The following TBX15 variants were observed in gnomAD, a reference collection of about 807,000 sequenced individuals.
The protein encoded by TBX15 is T-box transcription factor 15, also known as T-box transcription factor TBX15.
TBX15 carries 18 observed loss-of-function variants against 53.9 expected under a neutral mutation model. The observed-to-expected ratio is 0.33, with a 90% CI of 0.23 to 0.49. The LOEUF (loss-of-function observed/expected upper bound fraction) is 0.49. TBX15 is among the 20% of genes least tolerant of loss of function. TBX15 has a pLI of 0.98. For synonymous variants in TBX15, 295 were observed against 278.0 expected (o/e 1.06, Z -0.61); for missense variants, 692 against 749.5 (o/e 0.92, Z 0.90).
chr1:118,980,908 T>C lies in TBX15; in HGVS notation c.205+6683A>G, dbSNP rs1301863871. Among the ~76,000 whole-genome samples the C allele has an allele frequency of 2.6e-5, 4 of 151,964 alleles. 1 individual carries two copies. Among genetic ancestry groups the C allele is most frequent in the African/African-American group, 9.7e-5 (4 of 41,382 alleles). On this transcript the variant is annotated intron_variant, in intron 1 of 7. Transcript: ENST00000369429. ...AGTGCAGTGGCACTATCTCGGCTCATTGCAACCTCCGCCTCCCTGGTTCAA... is the reference window on the plus strand; with the variant it reads ...AGTGCAGTGGCACTATCTCGGCTCACTGCAACCTCCGCCTCCCTGGTTCAA...
At chr1:118,921,769 T>C (rs1163809809) in intron 5 of TBX15, among the ~76,000 whole-genome samples, 1 of 152,214 alleles carries the variant, frequency 6.6e-6, no homozygotes, top group East Asian at 1.9e-4. Context: ...ACCAAGGACC[T>C]ACCACTAAAT....
intron 1 of TBX15, among the ~76,000 whole-genome samples, chr1:118,934,524 TGA>T (rs1208145538): frequency 1.2e-4 from 19 of 152,328 alleles, no homozygotes; most frequent in Non-Finnish European, 4.4e-5. Context: ...CAGTTAGTGT[TGA>T]TTAATTATGT....
chr1:118,884,746 C>G lies in TBX15; in HGVS notation c.1795G>C (p.Val599Leu). Residue 599 changes from valine to leucine, a missense_variant, in exon 8 of 8, where the codon GTG becomes CTG. This residue lies in a region of TBX15 where 375 missense variants were observed against 371.6 expected (regional missense o/e 1.01). Coordinates refer to ENST00000369429, the MANE Select transcript of TBX15 (RefSeq NM_001330677.2). ...AVPGSSSQMS[V>L]HMV ...TGGACTGGCCTTTAAACCATGTGCA[C>G]GGACATCTGGGAGGAGGAGCCTGGA... 6.2e-7 allele frequency: 1 copy of G among 1,613,984 alleles called. No homozygotes were observed. Among genetic ancestry groups the G allele is most frequent in the Non-Finnish European group, 8.5e-7 (1 of 1,179,992 alleles).
At chr1:118,966,039 G>C (rs918852227) in intron 1 of TBX15, among the ~76,000 whole-genome samples, 2 of 151,920 alleles carry the variant, frequency 1.3e-5, no homozygotes, top group Non-Finnish European at 2.9e-5. Flanking sequence ...TGGGCTGTTT[G>C]GATTTTTTAA....
At chr1:118,951,518 C>G (rs1034294891) in intron 1 of TBX15, among the ~76,000 whole-genome samples, 3 of 152,286 alleles carry the variant, frequency 2.0e-5, no homozygotes, top group African/African-American at 4.8e-5. Context: ...GACCCAGAAC[C>G]CTGGTCCTTC....
intron 7 of TBX15, among the ~76,000 whole-genome samples, chr1:118,898,312 A>G (rs1420702179): frequency 6.6e-6 from 1 of 152,178 alleles, no homozygotes; most frequent in Non-Finnish European, 1.5e-5. Context: ...TCCCCTGAAA[A>G]GGGTAAGTTA....
chr1:118,924,534 A>C, intron 4 of TBX15, 112 bp downstream of exon 4: 1 of 1,259,564 alleles, frequency 7.9e-7, no homozygotes, highest in Non-Finnish European at 1.1e-6. Context: ...AAATTACTTA[A>C]AGTGGCATAG....
At position 118,960,692 on chromosome 1, in the gene TBX15, G is replaced by C. The variant is rs1306917206; in HGVS notation, c.205+26899C>G. Among the ~76,000 whole-genome samples the C allele has an allele frequency of 3.9e-5, 6 of 152,282 alleles. No individual in the cohort carries two copies. In the South Asian group the frequency reaches 1.0e-3, roughly 26 times the overall value. On this transcript the variant is annotated intron_variant, in intron 1 of 7. Transcript: ENST00000369429. ...TCCCAGGCAGGCTACTGAGTGAGCC[G>C]GCAGAGTCTCCCTCAGGATCAGGGC... is the stretch of plus-strand genomic sequence containing the variant.
At chr1:118,925,696 T>C (rs1003560041) in intron 3 of TBX15, among the ~76,000 whole-genome samples, 5 of 152,136 alleles carry the variant, frequency 3.3e-5, no homozygotes, top group African/African-American at 1.2e-4. Flanking sequence ...TAAAACACGC[T>C]GGAAGCATCT....
chr1:118,900,763 G>A (rs1323563642), intron 6 of TBX15, among the ~76,000 whole-genome samples: 1 of 152,148 alleles, frequency 6.6e-6, no homozygotes, highest in African/African-American at 2.4e-5. Flanking sequence ...GAATAATAAG[G>A]GGATAGGCAG....
intron 1 of TBX15, among the ~76,000 whole-genome samples, chr1:118,949,063 C>T (rs187117429): frequency 1.6e-3 from 241 of 152,194 alleles, no homozygotes; most frequent in African/African-American, 5.2e-3. Context: ...TTGAATGTGG[C>T]ATTTGAGAGC....
At chr1:118,894,561 C>T (rs988929540) in intron 7 of TBX15, among the ~76,000 whole-genome samples, 4 of 152,004 alleles carry the variant, frequency 2.6e-5, no homozygotes, top group African/African-American at 9.7e-5. Flanking sequence ...CTATGGAAGA[C>T]ATTAAGGTCA....
chr1:118,943,849 AG>A (rs1656264308), intron 1 of TBX15, among the ~76,000 whole-genome samples: 2 of 152,160 alleles, frequency 1.3e-5, no homozygotes, highest in Non-Finnish European at 2.9e-5. Flanking sequence ...CCTGAAAGGT[AG>A]GCATTTTAAC....
At chr1:118,944,843 C>T (rs1457119796) in intron 1 of TBX15, among the ~76,000 whole-genome samples, 2 of 152,202 alleles carry the variant, frequency 1.3e-5, no homozygotes, top group African/African-American at 2.4e-5. Flanking sequence ...CATGTTCCAG[C>T]ACATCTCACA....
At chr1:118,906,291 T>C (rs950796423) in intron 6 of TBX15, among the ~76,000 whole-genome samples, 10 of 152,206 alleles carry the variant, frequency 6.6e-5, no homozygotes, top group African/African-American at 2.4e-4. Context: ...TTGGTTATAA[T>C]AGAGAGCTCT....
In TBX15 at chr1:118,965,713, G is replaced by A. The variant is rs78892712; in HGVS notation, c.205+21878C>T. Among the ~76,000 whole-genome samples, 98 of 152,300 alleles carry A rather than the reference G, an allele frequency of 6.4e-4. 2 individuals are homozygous for A. In the East Asian group the frequency reaches 0.016, roughly 25 times the overall value. On this transcript the variant is annotated intron_variant, in intron 1 of 7. Transcript: ENST00000369429. The stretch of plus-strand genomic sequence containing the variant: ...AATAAACATTATGAAAGATCCACAC[G>A]ATGGAATTCTATGAGACTTTTAAAA...
intron 1 of TBX15, among the ~76,000 whole-genome samples, chr1:118,945,076 AGAG>A (rs1355918448): frequency 2.6e-5 from 4 of 152,306 alleles, no homozygotes; most frequent in South Asian, 2.1e-4. Context: ...CAGGGGAAAG[AGAG>A]GAGAATAGGA....
chr1:118,955,005 G>C (rs1656634811), intron 1 of TBX15, among the ~76,000 whole-genome samples: 1 of 152,154 alleles, frequency 6.6e-6, no homozygotes, highest in Non-Finnish European at 1.5e-5. Context: ...GACCCACAAA[G>C]GGAGTGTGAA....
At chr1:118,900,198 A>C (rs1445667515) in intron 6 of TBX15, among the ~76,000 whole-genome samples, 1 of 152,160 alleles carries the variant, frequency 6.6e-6, no homozygotes, top group African/African-American at 2.4e-5. Flanking sequence ...AATAGGAAAG[A>C]GCAGATGGCA....
Sources: gnomAD v4.1 joint callset for allele counts (sites outside exome capture counted in the v4.1 genomes callset) on GRCh38, gnomAD v4.1.1 for gene constraint, gnomAD v4.1.1 regional missense constraint, MANE v1.5 for transcripts, NCBI Gene and HGNC (gene_info 2026-07-23, HGNC 2026-07-21) for gene names.